Variants in RLBP1 observed in about 807,000 individuals in gnomAD.
RLBP1 encodes retinaldehyde binding protein 1.
A neutral mutation model predicts 36.2 loss-of-function variants in RLBP1; 26 were observed. The ratio of observed to expected loss-of-function variants is 0.72; its 90% CI spans 0.53 to 1.00. The LOEUF is 1.00. Ranked by LOEUF, RLBP1 falls within the 50% of genes least tolerant of loss-of-function variation. The pLI is 0.00. For synonymous variants in RLBP1, 155 were observed against 156.2 expected, an observed-to-expected ratio of 0.99 and a Z score of 0.06; for missense variants, 410 against 402.4, an observed-to-expected ratio of 1.02 and a Z score of -0.16.
At position 89,218,905 on chromosome 15, in the gene RLBP1, G is replaced by C; in HGVS notation, c.12+59C>G. On this transcript the variant is annotated intron_variant, in intron 3 of 8. Transcript: ENST00000268125. This position sits in a 1 kb window ranked among gnomAD's most constrained non-coding sequence, Gnocchi z 4.6. ...AGAGAAGTAAGGAGGGAGGGAGAGGGAAGAGAGAGAAGAGAGGGAAGGTGG... is the reference window on the plus strand; with the variant it reads ...AGAGAAGTAAGGAGGGAGGGAGAGGCAAGAGAGAGAAGAGAGGGAAGGTGG... The C allele has an allele frequency of 6.3e-7, 1 of 1,581,506 alleles. No individual in the cohort carries two copies.
chr15:89,215,616 G>A (rs972466991), intron 5 of RLBP1, among the ~76,000 whole-genome samples: 1 of 152,182 alleles, frequency 6.6e-6, no homozygotes, highest in African/African-American at 2.4e-5. Context: ...TAAGCTGAGT[G>A]GTGAGGTGTG....
chr15:89,217,282 C>T lies in RLBP1; in HGVS notation c.184G>A (p.Ala62Thr), dbSNP rs1279832933. The T allele has an allele frequency of 2.0e-5, 32 of 1,609,028 alleles. No homozygotes were observed. Among genetic ancestry groups the T allele is most frequent in the Non-Finnish European group, 2.5e-5 (29 of 1,180,002 alleles). Residue 62 changes from alanine to threonine, a missense_variant, in exon 5 of 9, where the codon GCA (alanine) becomes ACA (threonine). Ala to Thr is a moderately conservative substitution (Grantham distance 58, BLOSUM62 0). Coordinates refer to ENST00000268125, the MANE Select transcript of RLBP1 (RefSeq NM_000326.5). ...LNEREETREEAVRELQEMVQA... is the reference protein window; with the variant it reads ...LNEREETREETVRELQEMVQA... ...ACCATCTCCTGCAGCTCTCGCACTG[C>T]CTCCTCCCGGGTCTCCTCTCTCTCG...
In RLBP1 at chr15:89,218,631, G is replaced by A. The variant is rs1460372516; in HGVS notation, c.75C>T (p.Leu25=). The change falls in exon 4 of 9, where the codon CTC becomes CTT. Residue 25 remains leucine (L), a synonymous_variant. Transcript: ENST00000268125. This position sits in a 1 kb window ranked among gnomAD's most constrained non-coding sequence, Gnocchi z 4.6. ...AGACAGGTCCATGGTCCTTGGTTGT[G>A]AGCTGCTCCAGTTGGGCACGGAGCT... ...EQELRAQLEQ[L]TTKDHGPVFG... 6.2e-7 allele frequency: 1 copy of A among 1,614,236 alleles called. No individual in the cohort carries two copies. The highest frequency in any genetic ancestry group is 8.5e-7 in the Non-Finnish European group (1 of 1,180,042).
Position 89,218,443 on chromosome 15 carries a change from A to G in RLBP1, c.141+122T>C, listed in dbSNP as rs369696121. On this transcript the variant is annotated intron_variant, in intron 4 of 8. Coordinates refer to ENST00000268125, the MANE Select transcript of RLBP1 (RefSeq NM_000326.5). The surrounding 1 kb of genome is among the most constrained non-coding windows in gnomAD (Gnocchi z 4.6). ...GAAGGACCTTAGAACCGGCCAGTCTATCAGGTCCAGGATGATCTGGAGTGC... is the reference window on the plus strand; with the variant it reads ...GAAGGACCTTAGAACCGGCCAGTCTGTCAGGTCCAGGATGATCTGGAGTGC... The G allele has an allele frequency of 1.8e-5, 26 of 1,441,216 alleles. No individual in the cohort carries two copies. Among genetic ancestry groups the G allele is most frequent in the East Asian group, 1.1e-4 (5 of 43,794 alleles). The allele number at this position is 1,441,216 out of a possible 1,614,324, so 89.3% of individuals were successfully genotyped here. A position where few individuals can be genotyped will look rare whatever the true frequency, so the allele number is the denominator to read the frequency against.
At chr15:89,213,212 A>G (rs2051552806) in intron 6 of RLBP1, among the ~76,000 whole-genome samples, 2 of 152,104 alleles carry the variant, frequency 1.3e-5, no homozygotes, top group Non-Finnish European at 2.9e-5. Flanking sequence ...TTAGATAAAG[A>G]CTTCACCATC....
rs760022438 is a variant in RLBP1, at chr15:89,215,136, C to G, written c.449G>C (p.Ser150Thr). ...IEAGYPGVLS[S>T]RDKYGRVVML... ...GACCACTCGGCCATACTTGTCCCGA[C>G]TAGAGAGGACACCAGGGTAGCCAGC... is the stretch of plus-strand genomic sequence containing the variant. The change falls in exon 6 of 9, where the codon AGT (serine) becomes ACT (threonine). Residue 150 changes from serine to threonine, a missense_variant. Ser to Thr is a moderately conservative substitution (Grantham distance 58). Coordinates refer to ENST00000268125, the MANE Select transcript of RLBP1 (RefSeq NM_000326.5). The G allele has an allele frequency of 6.2e-7, 1 of 1,614,142 alleles. No individual in the cohort carries two copies. Among genetic ancestry groups the G allele is most frequent in the Non-Finnish European group, 8.5e-7 (1 of 1,180,056 alleles).
At position 89,210,374 on chromosome 15, in the gene RLBP1, A is replaced by G; in HGVS notation, c.865T>C (p.Phe289Leu). 6.2e-7 allele frequency: 1 copy of G among 1,614,266 alleles called. No individual in the cohort carries two copies. The highest frequency in any genetic ancestry group is 1.1e-5 in the South Asian group (1 of 91,090). ...EIDENILPSD[F>L]GGTLPKYDGK... ...TCATACTTGGGCAGCGTGCCCCCGA[A>G]GTCAGAGGGCAGGATGTTCTCATCG... Residue 289 changes from phenylalanine (F) to leucine (L), a missense_variant, in exon 9 of 9, where the codon TTC becomes CTC. Phe to Leu is a conservative substitution (Grantham distance 22, BLOSUM62 0). Coordinates refer to ENST00000268125, the MANE Select transcript of RLBP1 (RefSeq NM_000326.5). The surrounding 1 kb of genome is among the most constrained non-coding windows in gnomAD (Gnocchi z 4.7).
intron 1 of RLBP1, 78 bp from the exon 2 acceptor site, chr15:89,219,937 A>T (rs1169357677): frequency 6.6e-6 from 1 of 152,260 alleles, no homozygotes; most frequent in African/African-American, 2.4e-5. Flanking sequence ...GGTCCCATTC[A>T]TGGCCCACAT....
At position 89,217,431 on chromosome 15, in the gene RLBP1, G is replaced by A. The variant is rs550669127; in HGVS notation, c.142-107C>T. On this transcript the variant is annotated intron_variant, in intron 4 of 8. Coordinates refer to ENST00000268125, the MANE Select transcript of RLBP1 (RefSeq NM_000326.5). ...GAGCTAGACCAGCCAAGGGGGCCCA[G>A]GGGTCTGCAGCCGCAGCTTTGCTTT... 1.9e-5 allele frequency: 21 copies of A among 1,131,852 alleles called. No homozygotes were observed. The East Asian group carries it at 5.0e-4, about 27-fold the overall frequency. The allele number at this position is 1,131,852 out of a possible 1,614,324, so 70.1% of individuals were successfully genotyped here.
Position 89,218,701 on chromosome 15 carries a change from G to C in RLBP1, c.13-8C>G. On this transcript the variant is annotated splice_region_variant and splice_polypyrimidine_tract_variant and intron_variant, in intron 3 of 8. Transcript: ENST00000268125. The surrounding 1 kb of genome is among the most constrained non-coding windows in gnomAD (Gnocchi z 4.6). The stretch of plus-strand genomic sequence containing the variant: ...CATGCGGAACGTGCCCACCTGGGCA[G>C]AGAAAGGAAAAAGAGGAACAGCCAA... 6.2e-7 allele frequency: 1 copy of C among 1,613,898 alleles called. No individual in the cohort carries two copies.
chr15:89,210,054 A>G lies in RLBP1; in HGVS notation c.*231T>C. The G allele has an allele frequency of 1.7e-6, 1 of 576,718 alleles. No homozygotes were observed. Among genetic ancestry groups the G allele is most frequent in the South Asian group, 2.0e-5 (1 of 49,242 alleles). 35.7% of individuals were successfully genotyped at this position (576,718 alleles called of 1,614,324 possible). A position where few individuals can be genotyped will look rare whatever the true frequency, so the allele number is the denominator to read the frequency against. On this transcript the variant is annotated 3_prime_UTR_variant, in exon 9 of 9. Transcript: ENST00000268125. This position sits in a 1 kb window ranked among gnomAD's most constrained non-coding sequence, Gnocchi z 4.7. ...CAAAAATCACTGTCTTAAAGCTTCA[A>G]GGGCAGGTGGAAATATAACTATCCC...
intron 6 of RLBP1, among the ~76,000 whole-genome samples, chr15:89,212,120 TA>T (rs2150969247): frequency 6.6e-6 from 1 of 152,298 alleles, no homozygotes; most frequent in East Asian, 1.9e-4. Flanking sequence ...ACTCTTGCAA[TA>T]GTGGGAACAT....
At chr15:89,219,569 G>T (rs2051610254) in intron 2 of RLBP1, 168 bp downstream of exon 2, 1 of 163,572 alleles carries the variant, frequency 6.1e-6, no homozygotes. Context: ...TCACGAGACT[G>T]GAAGTGTGTT....
At chr15:89,221,163 A>G (rs1007435194) in intron 1 of RLBP1, among the ~76,000 whole-genome samples, 14 of 152,094 alleles carry the variant, frequency 9.2e-5, no homozygotes. Flanking sequence ...GCCCACCAGC[A>G]CGCCTGGCTA....
rs8039787 is a variant in RLBP1 at position 89,209,963 on chromosome 15, G to A, written c.*322C>T. 7,155 of 392,554 alleles carry A rather than the reference G, an allele frequency of 0.018. 437 individuals carry two copies. Among genetic ancestry groups the A allele is most frequent in the African/African-American group, 0.13 (6,356 of 49,154 alleles). 24.3% of individuals were successfully genotyped at this position (392,554 alleles called of 1,614,324 possible). A position where few individuals can be genotyped will look rare whatever the true frequency, so the allele number is the denominator to read the frequency against. On this transcript the variant is annotated 3_prime_UTR_variant, in exon 9 of 9. Coordinates refer to ENST00000268125, the MANE Select transcript of RLBP1 (RefSeq NM_000326.5). Reference sequence around the variant, plus strand: ...TGCCTGTTTTCACAGACTCTAAGTCGTAAAACTCTGTTACAAAGGAAATGA... The same window carrying A: ...TGCCTGTTTTCACAGACTCTAAGTCATAAAACTCTGTTACAAAGGAAATGA...
At position 89,217,122 on chromosome 15, in the gene RLBP1, C is replaced by T. The variant is rs767805314; in HGVS notation, c.344G>A (p.Arg115Lys). 1.2e-6 allele frequency: 2 copies of T among 1,613,980 alleles called. No homozygotes were observed. Among genetic ancestry groups the T allele is most frequent in the Non-Finnish European group, 1.7e-6 (2 of 1,179,960 alleles). Residue 115 changes from arginine (R) to lysine (K), a missense_variant and splice_region_variant, in exon 5 of 9, where the codon AGA (arginine) becomes AAA (lysine). Transcript: ENST00000268125. Reference protein sequence around the residue: ...FNVGRAYELLRGYVNFRLQYP... With the variant: ...FNVGRAYELLKGYVNFRLQYP... Reference sequence around the variant, plus strand: ...GTCCCTCCAAGCACTGGCCTCACCTCTGAGCAGCTCATAGGCACGGCCCAC... The same window carrying T: ...GTCCCTCCAAGCACTGGCCTCACCTTTGAGCAGCTCATAGGCACGGCCCAC...
rs372849820 is a variant in RLBP1, at chr15:89,215,027, C to A, written c.525+33G>T. 5.0e-6 allele frequency: 8 copies of A among 1,612,226 alleles called. No individual in the cohort carries two copies. In the African/African-American group the frequency reaches 1.1e-4, roughly 21 times the overall value. ...CAGGGTTGAGGGAGGGAACCCAGCCCACAGGGTGGGAGCCAGGCGAGCCCC... is the reference window on the plus strand; with the variant it reads ...CAGGGTTGAGGGAGGGAACCCAGCCAACAGGGTGGGAGCCAGGCGAGCCCC... On this transcript the variant is annotated intron_variant, in intron 6 of 8. Transcript: ENST00000268125.
Position 89,219,036 on chromosome 15 carries a change from C to T in RLBP1, c.-61G>A, listed in dbSNP as rs1157480988. On this transcript the variant is annotated 5_prime_UTR_variant, in exon 3 of 9. Coordinates refer to ENST00000268125, the MANE Select transcript of RLBP1 (RefSeq NM_000326.5). ...AAGGGATCTGCTTTCTCTGTCCTGG[C>T]CTCTCCAGCCGGCCCCTTCCCTAGG... 2.2e-5 allele frequency: 35 copies of T among 1,610,582 alleles called. No homozygotes were observed. Among genetic ancestry groups the T allele is most frequent in the Admixed American group, 3.3e-5 (2 of 60,018 alleles).
chr15:89,211,043 T>C lies in RLBP1; in HGVS notation c.685-234A>G, dbSNP rs2051533836. Among the ~76,000 whole-genome samples the C allele has an allele frequency of 6.6e-6, 1 of 152,060 alleles. No individual in the cohort carries two copies. The highest frequency in any genetic ancestry group is 1.5e-5 in the Non-Finnish European group (1 of 68,008). On this transcript the variant is annotated intron_variant, in intron 7 of 8. Transcript: ENST00000268125. The surrounding 1 kb of genome is among the most constrained non-coding windows in gnomAD (Gnocchi z 5.8). ...CCAAGATTCATAAGACCCAACCCTC[T>C]CCCTGCTGATGCAAATTAAACTGGG...
Sources: gnomAD v4.1 joint callset for allele counts (sites outside exome capture counted in the v4.1 genomes callset) on GRCh38, gnomAD v4.1.1 for gene constraint, Gnocchi (gnomAD v3.1) non-coding constraint, MANE v1.5 for transcripts, NCBI Gene and HGNC (gene_info 2026-07-23, HGNC 2026-07-21) for gene names.